DIS3L2: variants seen among roughly 807,000 people sequenced by gnomAD.
DIS3L2 encodes the protein DIS3 like 3'-5' exoribonuclease 2.
DIS3L2 carries 34 observed loss-of-function variants against 97.5 expected under a neutral mutation model. The ratio of observed to expected loss-of-function variants is 0.35; its 90% confidence interval spans 0.27 to 0.46. The LOEUF is 0.46. DIS3L2 is among the 20% of genes least tolerant of loss of function. The pLI is 1.00. For missense variants in DIS3L2, 1,038 were observed against 1,146.0 expected, an observed-to-expected ratio of 0.91 and a Z score of 1.36; for synonymous variants, 435 against 445.2, an observed-to-expected ratio of 0.98 and a Z score of 0.29.
intron 5 of DIS3L2, among the ~76,000 whole-genome samples, chr2:232,076,835 T>C (rs1696202672): frequency 6.6e-6 from 1 of 152,220 alleles, no homozygotes; most frequent in Non-Finnish European, 1.5e-5. Flanking sequence ...TCTGCCAGCT[T>C]TTTAGATTAC....
intron 20 of DIS3L2, 89 bp from the exon 21 acceptor site, chr2:232,336,380 C>CT: frequency 6.5e-7 from 1 of 1,550,268 alleles, no homozygotes; most frequent in South Asian, 1.2e-5. Flanking sequence ...AAGGAGGGGC[C>CT]AGGGGTCCTG....
chr2:232,262,841 G>T (rs1389305910), intron 12 of DIS3L2, among the ~76,000 whole-genome samples: 1 of 152,032 alleles, frequency 6.6e-6, no homozygotes, highest in Non-Finnish European at 1.5e-5. Context: ...CAGAGTCCCT[G>T]TCTGCCACAT....
chr2:232,018,175 G>A lies in DIS3L2; in HGVS notation c.210+2504G>A, dbSNP rs189647498. On this transcript the variant is annotated intron_variant, in intron 3 of 20. Coordinates refer to ENST00000325385, the MANE Select transcript of DIS3L2 (RefSeq NM_152383.5). ...TGTCTAGAGATAAGGAGAGGACAGC[G>A]AAGGAGAGGACAGCGTTCTGCAGTG... is the stretch of plus-strand genomic sequence containing the variant. 3.0e-3 allele frequency among the ~76,000 whole-genome samples: 451 copies of A among 152,280 alleles called. 1 individual carries two copies. The highest frequency in any genetic ancestry group is 5.5e-3 in the Non-Finnish European group (372 of 68,014).
At chr2:232,326,010 TG>T (rs5839435) in intron 14 of DIS3L2, among the ~76,000 whole-genome samples, 21,243 of 152,120 alleles carry the variant, frequency 0.14, 2,246 homozygotes, top group African/African-American at 0.29. Flanking sequence ...CAGGATAGCT[TG>T]GGGGCGTTTC....
chr2:231,994,676 G>A (rs1268158199), intron 1 of DIS3L2, among the ~76,000 whole-genome samples: 2 of 152,094 alleles, frequency 1.3e-5, no homozygotes, highest in Admixed American at 6.5e-5. Context: ...TCTAGTACTA[G>A]TACACTTAAC....
At chr2:232,272,795 G>A (rs1376648154) in intron 13 of DIS3L2, among the ~76,000 whole-genome samples, 1 of 152,198 alleles carries the variant, frequency 6.6e-6, no homozygotes, top group African/African-American at 2.4e-5. Flanking sequence ...TGGCCCTTGT[G>A]CGACCTTCTC....
intron 5 of DIS3L2, among the ~76,000 whole-genome samples, chr2:232,043,389 A>G (rs1228610206): frequency 6.6e-6 from 1 of 152,218 alleles, no homozygotes; most frequent in Non-Finnish European, 1.5e-5. Context: ...CAAGAGGACC[A>G]GGAAGTGCAA....
intron 10 of DIS3L2, among the ~76,000 whole-genome samples, chr2:232,230,762 GCTTCCCATTGCACTT>G (rs1286770734): frequency 1.3e-5 from 2 of 152,144 alleles, no homozygotes; most frequent in Non-Finnish European, 2.9e-5. Context: ...CTCCCTGGTG[GCTTCCCATTGCACTT>G]GAAGTAAAGA....
Position 232,336,516 on chromosome 2 carries a change from C to G in DIS3L2, c.2544C>G (p.Ser848=). The G allele has an allele frequency of 3.1e-6, 5 of 1,611,192 alleles. No homozygotes were observed. The highest frequency in any genetic ancestry group is 4.2e-6 in the Non-Finnish European group (5 of 1,179,906). ...SLVEVVLQAE[S]TALKYSAILK... ...TGGAGGTGGTCCTGCAGGCAGAGTCCACAGCCCTCAAGTACAGCGCCATCC... is the reference window on the plus strand; with the variant it reads ...TGGAGGTGGTCCTGCAGGCAGAGTCGACAGCCCTCAAGTACAGCGCCATCC... The change falls in exon 21 of 21, where the codon TCC becomes TCG. Residue 848 remains serine, a synonymous_variant. Coordinates refer to ENST00000325385, the MANE Select transcript of DIS3L2 (RefSeq NM_152383.5).
intron 6 of DIS3L2, among the ~76,000 whole-genome samples, chr2:232,100,458 G>T (rs1697163913): frequency 6.6e-6 from 1 of 151,850 alleles, no homozygotes; most frequent in South Asian, 2.1e-4. Flanking sequence ...CTTGAGTTGA[G>T]TACTTAGCTT....
chr2:232,292,571 C>T lies in DIS3L2; in HGVS notation c.1660-7469C>T, dbSNP rs1308483866. ...CATCCAGGCTCCTAGAGCTCACCCA[C>T]GCGATTCTCTTAAGGCCAGTTTCCT... On this transcript the variant is annotated intron_variant, in intron 13 of 20. Coordinates refer to ENST00000325385, the MANE Select transcript of DIS3L2 (RefSeq NM_152383.5). This position sits in a 1 kb window ranked among gnomAD's most constrained non-coding sequence, Gnocchi z 4.4. Among the ~76,000 whole-genome samples, 5 of 152,236 alleles carry T rather than the reference C, an allele frequency of 3.3e-5. No individual in the cohort carries two copies. Among genetic ancestry groups the T allele is most frequent in the South Asian group, 2.1e-4 (1 of 4,836 alleles).
At chr2:232,233,049 A>G (rs1229086163) in intron 10 of DIS3L2, among the ~76,000 whole-genome samples, 1 of 152,180 alleles carries the variant, frequency 6.6e-6, no homozygotes, top group Non-Finnish European at 1.5e-5. Context: ...ATGCTGCTAT[A>G]AGGTCAGGCC....
chr2:231,976,924 C>T (rs577606014), intron 1 of DIS3L2, among the ~76,000 whole-genome samples: 35 of 152,100 alleles, frequency 2.3e-4, no homozygotes, highest in Admixed American at 6.5e-4. Flanking sequence ...CCCGCCACCA[C>T]GCCCAGCTAA....
chr2:232,187,598 A>G (rs1444342682), intron 9 of DIS3L2, among the ~76,000 whole-genome samples: 1 of 152,038 alleles, frequency 6.6e-6, no homozygotes, highest in South Asian at 2.1e-4. Flanking sequence ...GCGCGCCACC[A>G]TGCCCAGCTA....
intron 6 of DIS3L2, among the ~76,000 whole-genome samples, chr2:232,118,281 CAGG>C (rs1697787856): frequency 6.6e-6 from 1 of 152,156 alleles, no homozygotes; most frequent in Non-Finnish European, 1.5e-5. Flanking sequence ...CGCCCACACT[CAGG>C]TAGGGGTGAT....
At chr2:232,112,756 A>G (rs867960403) in intron 6 of DIS3L2, among the ~76,000 whole-genome samples, 2 of 152,178 alleles carry the variant, frequency 1.3e-5, no homozygotes, top group South Asian at 4.1e-4. Context: ...CAAGAGGAAC[A>G]GATTTGCAGG....
At chr2:232,069,445 C>T (rs1559593711) in intron 5 of DIS3L2, among the ~76,000 whole-genome samples, 1 of 152,116 alleles carries the variant, frequency 6.6e-6, no homozygotes, top group Admixed American at 6.6e-5. Flanking sequence ...AGAGACTTGT[C>T]TTTTAAAATG....
At chr2:232,331,069 G>C (rs1695723277) in intron 16 of DIS3L2, among the ~76,000 whole-genome samples, 4 of 152,212 alleles carry the variant, frequency 2.6e-5, no homozygotes, top group Admixed American at 6.5e-5. Flanking sequence ...TGTCAGGCTG[G>C]GGTCCTGGAG....
intron 10 of DIS3L2, among the ~76,000 whole-genome samples, chr2:232,219,081 G>T (rs2106229446): frequency 6.6e-6 from 1 of 152,254 alleles, no homozygotes; most frequent in South Asian, 2.1e-4. Context: ...TTGCCTCCCT[G>T]CCTCCTTCTG....
Sources: gnomAD v4.1 joint callset for allele counts (sites outside exome capture counted in the v4.1 genomes callset) on GRCh38, gnomAD v4.1.1 for gene constraint, Gnocchi (gnomAD v3.1) non-coding constraint, MANE v1.5 for transcripts, NCBI Gene and HGNC (gene_info 2026-07-23, HGNC 2026-07-21) for gene names.